The following ZNF707 variants were observed in gnomAD, a reference collection of about 807,000 sequenced individuals.
ZNF707 encodes zinc finger protein 707.
ZNF707 carries 8 observed loss-of-function variants against 13.3 expected under a neutral mutation model. The ratio of observed to expected loss-of-function variants is 0.60; its 90% CI spans 0.35 to 1.09. The LOEUF (loss-of-function observed/expected upper bound fraction) is 1.09. ZNF707 is among the 50% of genes least tolerant of loss of function. The pLI, the probability that ZNF707 is intolerant of heterozygous loss-of-function variation, is 0.02. For missense variants in ZNF707, 530 were observed against 512.6 expected (o/e 1.03, Z -0.33); for synonymous variants, 225 against 205.6 (o/e 1.09, Z -0.81).
intron 4 of ZNF707, 170 bp downstream of exon 4, chr8:143,691,369 T>C (rs1165985997): frequency 4.8e-6 from 6 of 1,261,760 alleles, no homozygotes; most frequent in Non-Finnish European, 6.4e-6. Context: ...AGCGTTTCTC[T>C]CGGGCTCCCT....
At position 143,693,969 on chromosome 8, in the gene ZNF707, C is replaced by A; in HGVS notation, c.555C>A (p.Leu185=). The A allele has an allele frequency of 6.3e-7, 1 of 1,599,384 alleles. No homozygotes were observed. Among genetic ancestry groups the A allele is most frequent in the East Asian group, 2.3e-5 (1 of 44,234 alleles). Residue 185 remains leucine, a synonymous_variant, in exon 6 of 6, where the codon CTC becomes CTA. Coordinates refer to ENST00000358656, the MANE Select transcript of ZNF707 (RefSeq NM_001100598.2). This position sits in a 1 kb window ranked among gnomAD's most constrained non-coding sequence, Gnocchi z 4.1. ...SFICGTCGKA[L]SCHSRLLAHQ... ...TCTGCGGCACGTGCGGGAAGGCGCT[C>A]AGCTGCCACAGCCGGCTGCTCGCTC... is the stretch of plus-strand genomic sequence containing the variant.
chr8:143,686,129 G>A (rs1463435326), intron 1 of ZNF707, among the ~76,000 whole-genome samples: 2 of 151,608 alleles, frequency 1.3e-5, no homozygotes, highest in Admixed American at 6.6e-5. Flanking sequence ...AGATCGTCTC[G>A]CTCTGTCTCC....
intron 1 of ZNF707, among the ~76,000 whole-genome samples, chr8:143,686,364 G>A (rs1480467577): frequency 6.7e-6 from 1 of 150,326 alleles, no homozygotes; most frequent in Non-Finnish European, 1.5e-5. Flanking sequence ...GAACCACCGC[G>A]AATGGCCGGG....
At chr8:143,691,868 A>C in intron 5 of ZNF707, 155 bp downstream of exon 5, 2 of 944,622 alleles carry the variant, frequency 2.1e-6, no homozygotes, top group Non-Finnish European at 3.2e-6. Flanking sequence ...TTAGAGACGT[A>C]GGGGCAGCCA....
At chr8:143,691,497 GGGCTGGCCTGGCGTCTTA>G in intron 4 of ZNF707, 85 bp from the exon 5 acceptor site, 1 of 1,314,364 alleles carries the variant, frequency 7.6e-7, no homozygotes, top group African/African-American at 1.5e-5. Flanking sequence ...GGCCTCCCGA[GGGCTGGCCTGGCGTCTTA>G]GGCTGATGCA....
intron 5 of ZNF707, chr8:143,692,196 C>T (rs1465963706): frequency 2.3e-6 from 3 of 1,292,966 alleles, no homozygotes; most frequent in South Asian, 2.5e-5. Context: ...GTGAGGGTTG[C>T]TCTTGGGGCA....
chr8:143,694,782 C>G lies in ZNF707; in HGVS notation c.*252C>G. 6.1e-6 allele frequency: 3 copies of G among 495,648 alleles called. No homozygotes were observed. The highest frequency in any genetic ancestry group is 1.1e-5 in the Non-Finnish European group (3 of 283,092). The allele number at this position is 495,648 out of a possible 1,614,324, so 30.7% of individuals were successfully genotyped here. On this transcript the variant is annotated 3_prime_UTR_variant, in exon 6 of 6. Transcript: ENST00000358656. This position sits in a 1 kb window ranked among gnomAD's most constrained non-coding sequence, Gnocchi z 4.4. ...GGGCTGCGCCCCGGCGCCGGGCATC[C>G]TGGGGATGTGCTGAGAGTGTGCGCG...
Position 143,693,976 on chromosome 8 carries a change from C to T in ZNF707, c.562C>T (p.His188Tyr). The T allele has an allele frequency of 6.2e-7, 1 of 1,601,978 alleles. No homozygotes were observed. The highest frequency in any genetic ancestry group is 8.5e-7 in the Non-Finnish European group (1 of 1,175,854). The stretch of plus-strand genomic sequence containing the variant: ...CACGTGCGGGAAGGCGCTCAGCTGC[C>T]ACAGCCGGCTGCTCGCTCACCAGAC... ...CGTCGKALSC[H>Y]SRLLAHQTVH... Residue 188 changes from histidine to tyrosine, a missense_variant, in exon 6 of 6, where the codon CAC becomes TAC. Transcript: ENST00000358656. This position sits in a 1 kb window ranked among gnomAD's most constrained non-coding sequence, Gnocchi z 4.1.
chr8:143,688,639 T>C (rs1318062480), intron 1 of ZNF707: 1 of 144,434 alleles, frequency 6.9e-6, no homozygotes, highest in Non-Finnish European at 1.5e-5. Context: ...TAATATCTTT[T>C]TTTTTTTTTT....
chr8:143,688,897 C>A (rs1349205978), intron 1 of ZNF707: 2 of 152,296 alleles, frequency 1.3e-5, no homozygotes, highest in African/African-American at 4.8e-5. Context: ...GGATTACAGG[C>A]GTGAGCCACT....
intron 1 of ZNF707, 118 bp downstream of exon 1, chr8:143,684,660 C>G (rs1173227452): frequency 6.6e-6 from 1 of 152,398 alleles, no homozygotes; most frequent in African/African-American, 2.4e-5. Flanking sequence ...CTGGGACAGA[C>G]CGGGGAGGCT....
Position 143,692,544 on chromosome 8 carries a change from G to A in ZNF707, c.256+831G>A, listed in dbSNP as rs553657526. On this transcript the variant is annotated intron_variant, in intron 5 of 5. Coordinates refer to ENST00000358656, the MANE Select transcript of ZNF707 (RefSeq NM_001100598.2). ...GGATCCCCGGGTGTGTGGAGCCCCC[G>A]GCTGGGGAGGTGTTGCATCCCCGGG... Among the ~76,000 whole-genome samples, 5 of 72,624 alleles carry A rather than the reference G, an allele frequency of 6.9e-5. No individual in the cohort carries two copies. In the East Asian group the frequency reaches 1.8e-3, roughly 26 times the overall value. 47.6% of individuals were successfully genotyped at this position (72,624 alleles called of 152,430 possible).
chr8:143,691,384 G>A, intron 4 of ZNF707, 185 bp downstream of exon 4: 1 of 1,174,252 alleles, frequency 8.5e-7, no homozygotes, highest in Non-Finnish European at 1.2e-6. Flanking sequence ...CTCCCTGGAG[G>A]CAGCCTCATC....
intron 5 of ZNF707, chr8:143,692,237 A>G (rs370571893): frequency 2.2e-5 from 28 of 1,290,210 alleles, no homozygotes; most frequent in Non-Finnish European, 2.8e-5. Flanking sequence ...TTTTACTTAC[A>G]TTTTCAGAGT....
chr8:143,689,256 A>C lies in ZNF707; in HGVS notation c.-98A>C, dbSNP rs1816579399. On this transcript the variant is annotated 5_prime_UTR_variant, in exon 2 of 6. It removes an upstream start codon present in the reference 5' UTR. Coordinates refer to ENST00000358656, the MANE Select transcript of ZNF707 (RefSeq NM_001100598.2). ...CCTGACGGCCCTTTAGGATACTTCC[A>C]TGTCTGTAGGGTCTAGAGTGACATC... 1 of 152,142 alleles carries C rather than the reference A, an allele frequency of 6.6e-6. No individual in the cohort carries two copies. Among genetic ancestry groups the C allele is most frequent in the South Asian group, 2.1e-4 (1 of 4,824 alleles). The allele number at this position is 152,142 out of a possible 1,614,324, so 9.4% of individuals were successfully genotyped here.
chr8:143,686,143 G>A (rs774639812), intron 1 of ZNF707, among the ~76,000 whole-genome samples: 4 of 151,966 alleles, frequency 2.6e-5, no homozygotes, highest in Non-Finnish European at 4.4e-5. Flanking sequence ...TGTCTCCCAG[G>A]CTGAAGTGCA....
At chr8:143,685,530 A>T (rs1225586985) in intron 1 of ZNF707, among the ~76,000 whole-genome samples, 1 of 2,396 alleles carries the variant, frequency 4.2e-4, no homozygotes, top group African/African-American at 1.2e-3. Flanking sequence ...CATCTTATTA[A>T]AAAAAAAAAA....
chr8:143,691,747 C>G, intron 5 of ZNF707, 34 bp downstream of exon 5: 1 of 1,525,058 alleles, frequency 6.6e-7, no homozygotes, highest in Non-Finnish European at 8.9e-7. Flanking sequence ...CGGCGGGCCC[C>G]GTCCCTGTGG....
chr8:143,693,989 T>A lies in ZNF707; in HGVS notation c.575T>A (p.Leu192His), dbSNP rs1817091274. The A allele has an allele frequency of 6.2e-7, 1 of 1,603,340 alleles. No individual in the cohort carries two copies. Among genetic ancestry groups the A allele is most frequent in the Non-Finnish European group, 8.5e-7 (1 of 1,176,504 alleles). Residue 192 changes from leucine (L) to histidine (H), a missense_variant, in exon 6 of 6, where the codon CTC (leucine) becomes CAC (histidine). Transcript: ENST00000358656. This position sits in a 1 kb window ranked among gnomAD's most constrained non-coding sequence, Gnocchi z 4.1. ...GKALSCHSRLLAHQTVHTGTK... is the reference protein window; with the variant it reads ...GKALSCHSRLHAHQTVHTGTK... ...GCGCTCAGCTGCCACAGCCGGCTGC[T>A]CGCTCACCAGACGGTGCACACGGGA...
Sources: gnomAD v4.1 joint callset for allele counts (sites outside exome capture counted in the v4.1 genomes callset) on GRCh38, gnomAD v4.1.1 for gene constraint, Gnocchi (gnomAD v3.1) non-coding constraint, MANE v1.5 for transcripts, NCBI Gene and HGNC (gene_info 2026-07-23, HGNC 2026-07-21) for gene names.